Variants in TSNARE1 observed in about 807,000 individuals in gnomAD.
The protein encoded by TSNARE1 is t-SNARE domain containing 1.
In TSNARE1, 49 loss-of-function variants were observed where a neutral mutation model predicts 62.0. That is an observed-to-expected ratio of 0.79 (90% confidence interval 0.63 to 1.00). TSNARE1 has a LOEUF of 1.00. Among genes scored for constraint, TSNARE1 ranks in the 50% least tolerant of loss-of-function variants. TSNARE1 has a pLI of 0.00. For missense variants in TSNARE1, 755 were observed against 700.1 expected (o/e 1.08, Z -0.88); for synonymous variants, 328 against 294.4 (o/e 1.11, Z -1.17).
intron 9 of TSNARE1, among the ~76,000 whole-genome samples, chr8:142,303,603 A>G (rs1469191358): frequency 6.6e-6 from 1 of 152,242 alleles, no homozygotes; most frequent in Non-Finnish European, 1.5e-5. Context: ...GCAGATGGAC[A>G]GGTGACAACC....
intron 5 of TSNARE1, 98 bp downstream of exon 5, chr8:142,331,656 T>C: frequency 1.7e-6 from 2 of 1,211,768 alleles, no homozygotes; most frequent in South Asian, 1.3e-5. Flanking sequence ...CAGGATGGCC[T>C]GAGGGGGGAA....
intron 6 of TSNARE1, among the ~76,000 whole-genome samples, chr8:142,326,576 A>G (rs1389958494): frequency 8.0e-6 from 1 of 124,744 alleles, no homozygotes; most frequent in Non-Finnish European, 1.6e-5. Flanking sequence ...GGCCCCGGAG[A>G]GCACGAGACA....
intron 12 of TSNARE1, among the ~76,000 whole-genome samples, chr8:142,246,173 C>A (rs1209128323): frequency 1.3e-5 from 2 of 152,154 alleles, no homozygotes; most frequent in Non-Finnish European, 2.9e-5. Flanking sequence ...CACCCAGGGC[C>A]TGTCCTCAGT....
chr8:142,271,415 A>C, intron 12 of TSNARE1: 1 of 1,243,598 alleles, frequency 8.0e-7, no homozygotes, highest in East Asian at 3.2e-5. Flanking sequence ...GGAGTCCAGC[A>C]GCTGCTGCTC....
intron 6 of TSNARE1, among the ~76,000 whole-genome samples, chr8:142,322,855 G>T (rs963117035): frequency 7.9e-5 from 12 of 151,132 alleles, no homozygotes; most frequent in Non-Finnish European, 1.8e-4. Flanking sequence ...CGGCCTGGCC[G>T]TGTCTGTGGG....
chr8:142,366,491 G>A (rs953935155), intron 1 of TSNARE1, among the ~76,000 whole-genome samples: 8 of 152,074 alleles, frequency 5.3e-5, no homozygotes, highest in South Asian at 2.1e-4. Flanking sequence ...AGCTCAACAC[G>A]AGGACACTCA....
chr8:142,232,107 T>G (rs1241740592), intron 12 of TSNARE1, among the ~76,000 whole-genome samples: 1 of 152,234 alleles, frequency 6.6e-6, no homozygotes, highest in African/African-American at 2.4e-5. Context: ...TTGAGCACAG[T>G]GCTGGGCCTC....
Position 142,355,592 on chromosome 8 carries a change from C to T in TSNARE1, c.-39-829G>A, listed in dbSNP as rs573190203. On this transcript the variant is annotated intron_variant, in intron 1 of 13. Coordinates refer to ENST00000524325, the MANE Select transcript of TSNARE1 (RefSeq NM_145003.5). ...GATAACGGGAGCTCTCCTGCCCAGA[C>T]ACTGCCAGAGCGTCCTCCCTGTGTG... Among the ~76,000 whole-genome samples, 16 of 152,314 alleles carry T rather than the reference C, an allele frequency of 1.1e-4. No homozygotes were observed. The South Asian group carries it at 3.3e-3, about 32-fold the overall frequency.
intron 1 of TSNARE1, among the ~76,000 whole-genome samples, chr8:142,376,484 G>A (rs924567607): frequency 4.6e-5 from 7 of 152,096 alleles, no homozygotes; most frequent in African/African-American, 9.7e-5. Context: ...AGAGAGCTCC[G>A]GCCGTCTTTC....
At chr8:142,339,519 G>A (rs1832240486) in intron 4 of TSNARE1, among the ~76,000 whole-genome samples, 3 of 152,218 alleles carry the variant, frequency 2.0e-5, no homozygotes, top group African/African-American at 7.2e-5. Context: ...AATGCTGTTT[G>A]GCTCCCACAG....
At chr8:142,381,646 G>A (rs534196149) in intron 1 of TSNARE1, among the ~76,000 whole-genome samples, 2 of 152,266 alleles carry the variant, frequency 1.3e-5, no homozygotes, top group East Asian at 3.9e-4. Context: ...GCACCCAGGG[G>A]AGCCACACAC....
At chr8:142,225,506 G>A (rs1816732408) in intron 13 of TSNARE1, among the ~76,000 whole-genome samples, 1 of 151,972 alleles carries the variant, frequency 6.6e-6, no homozygotes, top group South Asian at 2.1e-4. Context: ...CTCTCCTGCT[G>A]GGAGGTCGGG....
upstream of TSNARE1, chr8:142,406,311 A>G (rs1302247043): frequency 6.6e-6 from 1 of 152,292 alleles, no homozygotes; most frequent in Non-Finnish European, 1.5e-5. Flanking sequence ...AGCCAGTGCC[A>G]CTTCCATTGT....
intron 1 of TSNARE1, chr8:142,366,053 CT>C (rs1172678046): frequency 5.4e-3 from 1,740 of 325,122 alleles, no homozygotes; most frequent in South Asian, 7.0e-3. Flanking sequence ...GCTTTTTTTT[CT>C]TTTTTTTTTG....
intron 4 of TSNARE1, among the ~76,000 whole-genome samples, chr8:142,332,960 G>A (rs902814853): frequency 2.0e-5 from 3 of 152,210 alleles, no homozygotes; most frequent in South Asian, 2.1e-4. Flanking sequence ...ACAGCCACAC[G>A]GGGCCTGTGT....
chr8:142,403,137 G>T lies in TSNARE1; in HGVS notation c.-73C>A, dbSNP rs970454975. 16 of 148,804 alleles carry T rather than the reference G, an allele frequency of 1.1e-4. No homozygotes were observed. The highest frequency in any genetic ancestry group is 3.4e-4 in the African/African-American group (14 of 41,176). 9.2% of individuals were successfully genotyped at this position (148,804 alleles called of 1,614,324 possible). Reference sequence around the variant, plus strand: ...CGGTGGCTCGCGGACCGCTCCGGGCGCTCACGGCGGGCGAGGCGGGCGGGG... The same window carrying T: ...CGGTGGCTCGCGGACCGCTCCGGGCTCTCACGGCGGGCGAGGCGGGCGGGG... On this transcript the variant is annotated 5_prime_UTR_variant, in exon 1 of 14. Coordinates refer to ENST00000524325, the MANE Select transcript of TSNARE1 (RefSeq NM_145003.5).
Position 142,319,657 on chromosome 8 carries a change from A to G in TSNARE1, c.894-1023T>C, listed in dbSNP as rs1396196935. ...TCAGGCATCACCCAGGACCTGCACC[A>G]AGCAGGCCTTGGGGCCGACACGTGG... is the stretch of plus-strand genomic sequence containing the variant. On this transcript the variant is annotated intron_variant, in intron 6 of 13. Coordinates refer to ENST00000524325, the MANE Select transcript of TSNARE1 (RefSeq NM_145003.5). The surrounding 1 kb of genome is among the most constrained non-coding windows in gnomAD (Gnocchi z 4.9). 2.0e-5 allele frequency among the ~76,000 whole-genome samples: 3 copies of G among 152,136 alleles called. No homozygotes were observed. Among genetic ancestry groups the G allele is most frequent in the African/African-American group, 7.2e-5 (3 of 41,442 alleles).
chr8:142,309,514 C>T (rs936019468), intron 9 of TSNARE1, among the ~76,000 whole-genome samples: 2 of 152,158 alleles, frequency 1.3e-5, no homozygotes, highest in African/African-American at 4.8e-5. Flanking sequence ...GTTGAAATGA[C>T]CTGTACACAT....
At chr8:142,230,083 A>T (rs1360497174) in intron 12 of TSNARE1, among the ~76,000 whole-genome samples, 1 of 152,220 alleles carries the variant, frequency 6.6e-6, no homozygotes, top group East Asian at 1.9e-4. Flanking sequence ...TTACTAATTT[A>T]AAAAATTCTG....
Sources: gnomAD v4.1 joint callset for allele counts (sites outside exome capture counted in the v4.1 genomes callset) on GRCh38, gnomAD v4.1.1 for gene constraint, Gnocchi (gnomAD v3.1) non-coding constraint, MANE v1.5 for transcripts, NCBI Gene and HGNC (gene_info 2026-07-23, HGNC 2026-07-21) for gene names.